The following NHSL2 variants were observed in gnomAD, a reference collection of about 807,000 sequenced individuals.
The protein encoded by NHSL2 is NHS-like protein 2.
Under a neutral mutation model 53.4 loss-of-function variants are expected in NHSL2, and 27 were observed. That is an observed-to-expected ratio of 0.51 (90% confidence interval 0.37 to 0.70). The LOEUF (loss-of-function observed/expected upper bound fraction) is 0.70, where lower values mean the gene tolerates loss of function less well. NHSL2 is among the 30% of genes least tolerant of loss of function. NHSL2 has a pLI of 0.00. For missense variants in NHSL2, 892 were observed against 980.1 expected, an observed-to-expected ratio of 0.91 and a Z score of 1.20; for synonymous variants, 408 against 404.1, an observed-to-expected ratio of 1.01 and a Z score of -0.12.
intron 1 of NHSL2, among the ~76,000 whole-genome samples, chrX:72,103,460 A>G (rs2042012599): frequency 8.9e-6 from 1 of 112,040 alleles, no homozygotes; most frequent in African/African-American, 3.3e-5. Context: ...TGTGGGTAAG[A>G]CAATTCTTCA....
rs767975034 is a variant in NHSL2, at chrX:72,088,124, G to A, written c.281-43955G>A. Among the ~76,000 whole-genome samples the A allele has an allele frequency of 4.5e-5, 5 of 111,526 alleles. No individual in the cohort carries two copies. In the South Asian group the frequency reaches 1.1e-3, roughly 25 times the overall value. On this transcript the variant is annotated intron_variant, in intron 1 of 7. Coordinates refer to ENST00000633930, the MANE Select transcript of NHSL2 (RefSeq NM_001013627.3). ...CGCATGCTTGTAATCCCAGCTACTC[G>A]GGAGGCTGAGGCAGGAGAATAGCTT...
chrX:72,049,039 G>GGAAGAGGAAGAA (rs1556340844), intron 1 of NHSL2, among the ~76,000 whole-genome samples: 5 of 94,653 alleles, frequency 5.3e-5, no homozygotes, highest in Non-Finnish European at 8.0e-5. Context: ...AAGAGGAAGA[G>GGAAGAGGAAGAA]GAAGAAGAAG....
At chrX:72,069,724 AAAG>A in intron 1 of NHSL2, 1 of 933,859 alleles carries the variant, frequency 1.1e-6, no homozygotes, top group Non-Finnish European at 1.3e-6. Context: ...CCGAGGAGTA[AAAG>A]CCAAAGCAGG....
In NHSL2 at chrX:71,911,711, C is replaced by A. The variant is rs182140209; in HGVS notation, c.280+344C>A. 6.4e-3 allele frequency among the ~76,000 whole-genome samples: 720 copies of A among 112,710 alleles called. 19 individuals carry two copies. The East Asian group carries it at 0.11, about 18-fold the overall frequency. On this transcript the variant is annotated intron_variant, in intron 1 of 7. Coordinates refer to ENST00000633930, the MANE Select transcript of NHSL2 (RefSeq NM_001013627.3). The stretch of plus-strand genomic sequence containing the variant: ...ATACTCCCCCTACCCGCCCACCTAG[C>A]CCCAGGCCCTCGGCGCCGTCCTCAT...
At chrX:72,020,291 T>C (rs2042154064) in intron 1 of NHSL2, among the ~76,000 whole-genome samples, 1 of 112,554 alleles carries the variant, frequency 8.9e-6, no homozygotes, top group South Asian at 3.7e-4. Flanking sequence ...CAGATCGCTG[T>C]GAGTCTTGTG....
At chrX:71,988,067 A>G (rs944634350) in intron 1 of NHSL2, among the ~76,000 whole-genome samples, 2 of 112,346 alleles carry the variant, frequency 1.8e-5, no homozygotes, top group Non-Finnish European at 1.9e-5. Context: ...CTGGCGAGAC[A>G]GTCGCCCTGA....
intron 1 of NHSL2, among the ~76,000 whole-genome samples, chrX:71,918,387 C>CA (rs775666122): frequency 1.9e-5 from 2 of 105,447 alleles, no homozygotes; most frequent in East Asian, 2.9e-4. Context: ...AAAATGGACT[C>CA]AAAGAGGAGA....
intron 1 of NHSL2, among the ~76,000 whole-genome samples, chrX:72,098,601 G>T (rs1242329617): frequency 9.2e-6 from 1 of 108,173 alleles, no homozygotes; most frequent in Non-Finnish European, 1.9e-5. Flanking sequence ...AAAAAAGAAA[G>T]AGAGAAGAAG....
At chrX:71,959,715 G>A (rs1243865305) in intron 1 of NHSL2, among the ~76,000 whole-genome samples, 2 of 111,586 alleles carry the variant, frequency 1.8e-5, no homozygotes, top group Non-Finnish European at 3.8e-5. Context: ...TCATATAAAC[G>A]ATATTATATG....
chrX:72,103,230 G>A lies in NHSL2; in HGVS notation c.281-28849G>A, dbSNP rs193301834. ...AGTGGCCACAGTGGAGGGAGTGGGG[G>A]AAGGTTCTCACCATATTATGCATCG... On this transcript the variant is annotated intron_variant, in intron 1 of 7. Coordinates refer to ENST00000633930, the MANE Select transcript of NHSL2 (RefSeq NM_001013627.3). Among the ~76,000 whole-genome samples, 3 of 111,428 alleles carry A rather than the reference G, an allele frequency of 2.7e-5. No individual in the cohort carries two copies. In the East Asian group the frequency reaches 8.5e-4, roughly 32 times the overall value.
intron 1 of NHSL2, among the ~76,000 whole-genome samples, chrX:72,052,053 T>C (rs770676744): frequency 4.7e-4 from 53 of 112,484 alleles, no homozygotes; most frequent in African/African-American, 1.6e-3. Flanking sequence ...TTGACTCTTT[T>C]GCTTGGAAAG....
intron 1 of NHSL2, among the ~76,000 whole-genome samples, chrX:71,974,888 C>A (rs1484931320): frequency 8.9e-6 from 1 of 112,082 alleles, no homozygotes; most frequent in Non-Finnish European, 1.9e-5. Context: ...ATTTGATACC[C>A]TCTCCTCAAT....
Position 71,910,984 on chromosome X carries a change from C to A in NHSL2, c.-104C>A. ...CCCGCGCCCAGGGGCCTGCTACACC[C>A]GGAGCTGGGGCCGCCGCTCAGGGGC... On this transcript the variant is annotated 5_prime_UTR_variant, in exon 1 of 8. Transcript: ENST00000633930. 1 of 660,214 alleles carries A rather than the reference C, an allele frequency of 1.5e-6. No homozygotes were observed. Among genetic ancestry groups the A allele is most frequent in the Non-Finnish European group, 2.0e-6 (1 of 510,032 alleles). 54.4% of individuals were successfully genotyped at this position (660,214 alleles called of 1,213,427 possible).
chrX:71,963,972 T>TACAC (rs1215885712), intron 1 of NHSL2, among the ~76,000 whole-genome samples: 63 of 42,694 alleles, frequency 1.5e-3, no homozygotes, highest in African/African-American at 6.6e-3. Context: ...CATATATATA[T>TACAC]ACATATATAT....
intron 1 of NHSL2, among the ~76,000 whole-genome samples, chrX:72,033,310 C>A (rs939047700): frequency 3.7e-5 from 4 of 108,800 alleles, no homozygotes; most frequent in African/African-American, 1.3e-4. Context: ...CGTCAGCCTT[C>A]CAGGTAGCTG....
At chrX:72,022,450 G>C (rs1294345155) in intron 1 of NHSL2, among the ~76,000 whole-genome samples, 2 of 111,046 alleles carry the variant, frequency 1.8e-5, no homozygotes, top group Non-Finnish European at 3.8e-5. Context: ...GGAGTTTTAA[G>C]ATCACTGCAC....
chrX:72,139,809 C>T lies in NHSL2; in HGVS notation c.2261C>T (p.Ser754Leu). 8.3e-7 allele frequency: 1 copy of T among 1,210,929 alleles called. No individual in the cohort carries two copies. The highest frequency in any genetic ancestry group is 1.1e-6 in the Non-Finnish European group (1 of 894,872). ...VRPVVPERKS[S>L]LPPTSPMEKF... ...CCAGTGGTACCTGAGAGGAAGTCAT[C>T]ACTACCCCCGACGTCACCAATGGAG... The change falls in exon 6 of 8, where the codon TCA becomes TTA. Residue 754 changes from serine (S) to leucine (L), a missense_variant. Coordinates refer to ENST00000633930, the MANE Select transcript of NHSL2 (RefSeq NM_001013627.3).
chrX:72,107,426 C>T (rs1056370212), intron 1 of NHSL2, among the ~76,000 whole-genome samples: 6 of 112,230 alleles, frequency 5.3e-5, no homozygotes, highest in Non-Finnish European at 1.1e-4. Flanking sequence ...GGGAGTTCCA[C>T]GGTTCACGGC....
chrX:72,084,814 C>T (rs190963220), intron 1 of NHSL2, among the ~76,000 whole-genome samples: 54 of 111,745 alleles, frequency 4.8e-4, no homozygotes, highest in African/African-American at 1.7e-3. Context: ...CTATCAAGAG[C>T]TGGCAGCTGG....
Sources: gnomAD v4.1 joint callset for allele counts (sites outside exome capture counted in the v4.1 genomes callset) on GRCh38, gnomAD v4.1.1 for gene constraint, MANE v1.5 for transcripts, NCBI Gene and HGNC (gene_info 2026-07-23, HGNC 2026-07-21) for gene names.